Variants in SRFBP1 observed in about 807,000 individuals in gnomAD.
The protein encoded by SRFBP1 is serum response factor-binding protein 1.
SRFBP1 carries 47 observed loss-of-function variants against 45.5 expected under a neutral mutation model. That is an observed-to-expected ratio of 1.03 (90% CI 0.82 to 1.32). The LOEUF is 1.32. Ranked by LOEUF, SRFBP1 falls within the 40% of genes most tolerant of loss-of-function variation. The pLI is 0.00. For synonymous variants in SRFBP1, 203 were observed against 166.3 expected, an observed-to-expected ratio of 1.22 and a Z score of -1.70; for missense variants, 621 against 484.6, an observed-to-expected ratio of 1.28 and a Z score of -2.64.
At chr5:122,026,022 G>A (rs189138447) in intron 7 of SRFBP1, among the ~76,000 whole-genome samples, 2 of 152,244 alleles carry the variant, frequency 1.3e-5, no homozygotes, top group African/African-American at 2.4e-5. Context: ...CCTGGGAGGT[G>A]GAGGTTGCAG....
chr5:121,981,295 G>A (rs981815150), intron 3 of SRFBP1, among the ~76,000 whole-genome samples: 2 of 151,976 alleles, frequency 1.3e-5, no homozygotes, highest in African/African-American at 4.8e-5. Context: ...GAGTATCTAG[G>A]AAACTGTGAA....
At chr5:121,981,991 T>A (rs1284839628) in intron 3 of SRFBP1, among the ~76,000 whole-genome samples, 1 of 151,848 alleles carries the variant, frequency 6.6e-6, no homozygotes, top group Non-Finnish European at 1.5e-5. Flanking sequence ...TGTTGGCACG[T>A]TTACAGTGTT....
chr5:122,047,527 C>T (rs369895953), intron 2 of SRFBP1, among the ~76,000 whole-genome samples: 2 of 152,036 alleles, frequency 1.3e-5, no homozygotes, highest in Non-Finnish European at 2.9e-5. Context: ...CTTGGCAATG[C>T]GGGCTCTTTT....
chr5:122,038,395 A>G (rs190205168), intron 2 of SRFBP1, among the ~76,000 whole-genome samples: 1 of 152,214 alleles, frequency 6.6e-6, no homozygotes, highest in Non-Finnish European at 1.5e-5. Flanking sequence ...ATCATCTGCA[A>G]TTTTTTAGAA....
At chr5:122,030,484 C>A (rs968493783), downstream of SRFBP1, among the ~76,000 whole-genome samples, 3 of 152,052 alleles carry the variant, frequency 2.0e-5, no homozygotes, top group Admixed American at 2.0e-4. Context: ...TTGACCTGAC[C>A]AATGGTTAAC....
rs13174669 is a variant in SRFBP1, at chr5:122,021,916, G to A, written c.1068-454G>A. Reference sequence around the variant, plus strand: ...TCACCATATTGGCCCGGTTAGTGTCGAACTCCTGACCTTGTGATCCACCCT... The same window carrying A: ...TCACCATATTGGCCCGGTTAGTGTCAAACTCCTGACCTTGTGATCCACCCT... On this transcript the variant is annotated intron_variant, in intron 6 of 7. Transcript: ENST00000339397. 7.3e-5 allele frequency among the ~76,000 whole-genome samples: 11 copies of A among 150,828 alleles called. No individual in the cohort carries two copies. The South Asian group carries it at 8.4e-4, about 12-fold the overall frequency.
intron 2 of SRFBP1, among the ~76,000 whole-genome samples, chr5:122,034,524 A>G (rs1419856374): frequency 6.6e-6 from 1 of 151,850 alleles, no homozygotes; most frequent in Non-Finnish European, 1.5e-5. Context: ...CTTAAATACC[A>G]GTTATTGAGT....
intron 2 of SRFBP1, among the ~76,000 whole-genome samples, chr5:122,036,005 T>C (rs532408406): frequency 6.6e-6 from 1 of 152,294 alleles, no homozygotes; most frequent in African/African-American, 2.4e-5. Flanking sequence ...CGATGGTCCT[T>C]TGTGTTTTCC....
intron 3 of SRFBP1, among the ~76,000 whole-genome samples, chr5:121,980,048 A>G (rs559275985): frequency 3.1e-4 from 47 of 152,262 alleles, no homozygotes; most frequent in Non-Finnish European, 4.7e-4. Flanking sequence ...ACGAAGACTA[A>G]ACAGCATCAC....
intron 1 of SRFBP1, among the ~76,000 whole-genome samples, chr5:121,968,254 T>TATTATTATC (rs1336424029): frequency 2.9e-4 from 43 of 149,656 alleles, no homozygotes; most frequent in African/African-American, 9.8e-4. Flanking sequence ...TTATTATTAT[T>TATTATTATC]ATTTTCTGTA....
rs371650298 is a variant in SRFBP1, at chr5:121,975,410, A to T, written c.198+23A>T. 1.3e-5 allele frequency: 21 copies of T among 1,610,930 alleles called. No homozygotes were observed. The African/African-American group carries it at 2.7e-4, about 21-fold the overall frequency. On this transcript the variant is annotated intron_variant, in intron 3 of 7. Transcript: ENST00000339397. ...AAGGTAAGGACTTGTGTGGGTGTGTATGTGTGTATGTTTCTGAGTATCCTG... is the reference window on the plus strand; with the variant it reads ...AAGGTAAGGACTTGTGTGGGTGTGTTTGTGTGTATGTTTCTGAGTATCCTG...
At chr5:122,001,889 A>G (rs924602825) in intron 4 of SRFBP1, among the ~76,000 whole-genome samples, 6 of 152,154 alleles carry the variant, frequency 3.9e-5, no homozygotes, top group Admixed American at 3.9e-4. Context: ...AGCATTGCTA[A>G]GGACAGTACA....
At chr5:122,036,000 G>A (rs1341349788) in intron 2 of SRFBP1, among the ~76,000 whole-genome samples, 1 of 152,170 alleles carries the variant, frequency 6.6e-6, no homozygotes, top group East Asian at 1.9e-4. Flanking sequence ...ACAAACGATG[G>A]TCCTTTGTGT....
At chr5:121,967,312 T>C (rs1231266072) in intron 1 of SRFBP1, among the ~76,000 whole-genome samples, 3 of 152,204 alleles carry the variant, frequency 2.0e-5, no homozygotes, top group Non-Finnish European at 2.9e-5. Flanking sequence ...TTAATAATTT[T>C]TTTCTGAAAT....
At chr5:121,987,651 TG>T (rs1358165873) in intron 3 of SRFBP1, among the ~76,000 whole-genome samples, 1 of 152,194 alleles carries the variant, frequency 6.6e-6, no homozygotes, top group Non-Finnish European at 1.5e-5. Context: ...TTTTTTGTAT[TG>T]GGGCATAATC....
chr5:122,003,742 T>C (rs1752924656), intron 4 of SRFBP1, among the ~76,000 whole-genome samples: 1 of 152,206 alleles, frequency 6.6e-6, no homozygotes, highest in South Asian at 2.1e-4. Context: ...GGCTTTTTTG[T>C]AGTAGCCATT....
intron 3 of SRFBP1, among the ~76,000 whole-genome samples, chr5:121,978,600 T>A (rs1450338473): frequency 6.6e-6 from 1 of 152,148 alleles, no homozygotes; most frequent in East Asian, 1.9e-4. Flanking sequence ...CAAATGATTC[T>A]CCTGCCACAG....
intron 4 of SRFBP1, among the ~76,000 whole-genome samples, chr5:122,013,608 A>G (rs1371291683): frequency 6.6e-6 from 1 of 152,176 alleles, no homozygotes; most frequent in Non-Finnish European, 1.5e-5. Context: ...CAGAAAAAGA[A>G]CAAAGCAAGA....
chr5:122,029,169 G>A (rs1313630177), downstream of SRFBP1, among the ~76,000 whole-genome samples: 1 of 152,090 alleles, frequency 6.6e-6, no homozygotes, highest in Admixed American at 6.5e-5. Flanking sequence ...ATATAGGCCT[G>A]GGATGCTGCT....
Sources: gnomAD v4.1 joint callset for allele counts (sites outside exome capture counted in the v4.1 genomes callset) on GRCh38, gnomAD v4.1.1 for gene constraint, MANE v1.5 for transcripts, NCBI Gene and HGNC (gene_info 2026-07-23, HGNC 2026-07-21) for gene names.